SLC13A3: variants seen among roughly 807,000 people sequenced by gnomAD.
SLC13A3 encodes the protein Na(+)/dicarboxylate cotransporter 3.
A neutral mutation model predicts 59.0 loss-of-function variants in SLC13A3; 40 were observed. The ratio of observed to expected loss-of-function variants is 0.68; its 90% confidence interval spans 0.53 to 0.88. The LOEUF (loss-of-function observed/expected upper bound fraction) is 0.88, where lower values mean the gene tolerates loss of function less well. Ranked by LOEUF, SLC13A3 falls within the 40% of genes least tolerant of loss-of-function variation. SLC13A3 has a pLI of 0.00. For synonymous variants in SLC13A3, 317 were observed against 330.3 expected (o/e 0.96, Z 0.44); for missense variants, 699 against 783.2 (o/e 0.89, Z 1.28).
chr20:46,596,468 C>G, intron 4 of SLC13A3, 126 bp from the exon 5 acceptor site: 1 of 738,938 alleles, frequency 1.4e-6, no homozygotes, highest in Non-Finnish European at 2.3e-6. Flanking sequence ...AAACCCGTAA[C>G]AAGGTGCAAC....
chr20:46,647,024 T>G (rs2757524), intron 1 of SLC13A3, among the ~76,000 whole-genome samples: 110,110 of 152,056 alleles, frequency 0.72, 40,976 homozygotes, highest in African/African-American at 0.91. Context: ...CCCCCCCAAA[T>G]ATCTCTATCC....
intron 1 of SLC13A3, among the ~76,000 whole-genome samples, chr20:46,647,416 T>C (rs2062906041): frequency 6.6e-6 from 1 of 152,166 alleles, no homozygotes; most frequent in African/African-American, 2.4e-5. Context: ...GCCTGTTTTA[T>C]TAATAAGAGT....
rs569544983 is a variant in SLC13A3, at chr20:46,650,726, C to T, written c.111+585G>A. Among the ~76,000 whole-genome samples the T allele has an allele frequency of 3.9e-5, 6 of 152,200 alleles. No individual in the cohort carries two copies. In the East Asian group the frequency reaches 9.7e-4, roughly 24 times the overall value. ...CAGTAAGTGTTCATTGTGACTGTCG[C>T]GTGAAATGTGCAATACAGCACCAAG... On this transcript the variant is annotated intron_variant, in intron 1 of 12. Coordinates refer to ENST00000279027, the MANE Select transcript of SLC13A3 (RefSeq NM_022829.6).
chr20:46,621,728 C>G (rs1330210787), intron 1 of SLC13A3, among the ~76,000 whole-genome samples: 1 of 152,134 alleles, frequency 6.6e-6, no homozygotes, highest in Non-Finnish European at 1.5e-5. Flanking sequence ...TGGAACTTCC[C>G]GGCACATCAC....
At chr20:46,632,272 C>T (rs1414809453) in intron 1 of SLC13A3, among the ~76,000 whole-genome samples, 3 of 152,228 alleles carry the variant, frequency 2.0e-5, no homozygotes, top group Admixed American at 6.5e-5. Context: ...TATCCCGTTG[C>T]CCAGGACTGA....
At chr20:46,632,983 C>CT (rs1472704067) in intron 1 of SLC13A3, among the ~76,000 whole-genome samples, 3 of 151,156 alleles carry the variant, frequency 2.0e-5, no homozygotes, top group Non-Finnish European at 3.0e-5. Flanking sequence ...ATGTATCTAT[C>CT]ATCTATCTAT....
intron 2 of SLC13A3, among the ~76,000 whole-genome samples, chr20:46,612,120 TTTGC>T (rs2062503932): frequency 7.2e-6 from 1 of 138,790 alleles, no homozygotes; most frequent in Non-Finnish European, 1.5e-5. Context: ...TCTCTCTCTC[TTTGC>T]TTTTTTTTTT....
At chr20:46,596,924 G>A (rs1056476006) in intron 4 of SLC13A3, among the ~76,000 whole-genome samples, 14 of 152,034 alleles carry the variant, frequency 9.2e-5, no homozygotes, top group Non-Finnish European at 1.6e-4. Context: ...ATGGTGGCAC[G>A]CACCTATAGT....
chr20:46,648,685 G>A (rs187862206), intron 1 of SLC13A3, among the ~76,000 whole-genome samples: 141 of 152,244 alleles, frequency 9.3e-4, no homozygotes, highest in African/African-American at 3.2e-3. Context: ...CTGGTGGATC[G>A]CTTGAGTCTA....
At chr20:46,681,717 G>A (rs960365410) in intron 1 of SLC13A3, 47 of 152,342 alleles carry the variant, frequency 3.1e-4, no homozygotes, top group African/African-American at 1.1e-3. Flanking sequence ...CTGTTATGGA[G>A]GAATACAAGG....
At chr20:46,643,183 C>T (rs1390346719) in intron 1 of SLC13A3, among the ~76,000 whole-genome samples, 3 of 151,978 alleles carry the variant, frequency 2.0e-5, no homozygotes, top group South Asian at 2.1e-4. Flanking sequence ...TGAGCTTATA[C>T]CCCATGGGTG....
chr20:46,587,990 C>G (rs2062211439), intron 8 of SLC13A3, 69 bp downstream of exon 8: 4 of 814,630 alleles, frequency 4.9e-6, no homozygotes, highest in Non-Finnish European at 7.8e-6. Context: ...TGCCGCCTCT[C>G]CAGCTCCAGG....
chr20:46,668,915 G>GAT (rs1182813795), intron 1 of SLC13A3, among the ~76,000 whole-genome samples: 3 of 152,212 alleles, frequency 2.0e-5, no homozygotes, highest in Non-Finnish European at 2.9e-5. Flanking sequence ...CTATTGTTGA[G>GAT]ATATACTGTT....
intron 2 of SLC13A3, among the ~76,000 whole-genome samples, chr20:46,611,603 C>T (rs569021560): frequency 1.5e-4 from 23 of 152,178 alleles, no homozygotes; most frequent in Non-Finnish European, 2.6e-4. Context: ...CCTACGCCCT[C>T]CCCTGTGTCA....
At chr20:46,666,407 T>C (rs139846361) in intron 1 of SLC13A3, among the ~76,000 whole-genome samples, 1 of 152,340 alleles carries the variant, frequency 6.6e-6, no homozygotes, top group East Asian at 1.9e-4. Flanking sequence ...TTTTATTTTA[T>C]TTATTCTTAT....
chr20:46,674,384 T>C (rs1170845004), upstream of SLC13A3, among the ~76,000 whole-genome samples: 2 of 152,178 alleles, frequency 1.3e-5, no homozygotes, highest in African/African-American at 4.8e-5. Flanking sequence ...GGCCTGGGCC[T>C]TCCTGGCCTG....
intron 9 of SLC13A3, among the ~76,000 whole-genome samples, chr20:46,577,921 A>G (rs1368647106): frequency 1.3e-5 from 2 of 152,232 alleles, no homozygotes; most frequent in African/African-American, 2.4e-5. Context: ...TGGAAAGAAG[A>G]AATGGTCCCA....
intron 10 of SLC13A3, among the ~76,000 whole-genome samples, chr20:46,569,535 G>A (rs1281208801): frequency 3.9e-5 from 6 of 152,178 alleles, no homozygotes; most frequent in Admixed American, 6.5e-5. Flanking sequence ...ATCTGTAAAC[G>A]AGGGATAATG....
chr20:46,610,330 A>G (rs1790443273), intron 3 of SLC13A3, 116 bp downstream of exon 3: 6 of 913,626 alleles, frequency 6.6e-6, no homozygotes, highest in African/African-American at 3.3e-5. Flanking sequence ...CACCTGACGC[A>G]TAGTAGGTGC....
Sources: gnomAD v4.1 joint callset for allele counts (sites outside exome capture counted in the v4.1 genomes callset) on GRCh38, gnomAD v4.1.1 for gene constraint, MANE v1.5 for transcripts, NCBI Gene and HGNC (gene_info 2026-07-23, HGNC 2026-07-21) for gene names.